ROBO1: variants seen among roughly 807,000 people sequenced by gnomAD.
ROBO1 encodes the protein roundabout homolog 1.
A neutral mutation model predicts 195.9 loss-of-function variants in ROBO1; 149 were observed. The observed-to-expected ratio is 0.76, with a 90% CI of 0.67 to 0.87. The LOEUF is 0.87. Among genes scored for constraint, ROBO1 ranks in the 40% least tolerant of loss-of-function variants. The pLI is 0.00. For missense variants in ROBO1, 1,933 were observed against 2,068.3 expected (o/e 0.93, Z 1.27); for synonymous variants, 816 against 733.2 (o/e 1.11, Z -1.82).
intron 4 of ROBO1, among the ~76,000 whole-genome samples, chr3:78,792,442 T>C (rs2084048912): frequency 6.6e-6 from 1 of 152,186 alleles, no homozygotes; most frequent in Non-Finnish European, 1.5e-5. Context: ...CAGAATTGGG[T>C]AACAAGCAAT....
At chr3:78,774,384 C>T (rs1391160034) in intron 4 of ROBO1, among the ~76,000 whole-genome samples, 1 of 151,740 alleles carries the variant, frequency 6.6e-6, no homozygotes, top group East Asian at 1.9e-4. Flanking sequence ...GATCTCGGCT[C>T]ACCGCAAGCT....
chr3:79,361,636 C>T (rs1208580949), intron 2 of ROBO1, among the ~76,000 whole-genome samples: 1 of 152,000 alleles, frequency 6.6e-6, no homozygotes, highest in Non-Finnish European at 1.5e-5. Flanking sequence ...GCATACGCTG[C>T]GATGGCTGAT....
chr3:79,702,593 C>T (rs1385658820), intron 1 of ROBO1, among the ~76,000 whole-genome samples: 2 of 151,698 alleles, frequency 1.3e-5, no homozygotes, highest in African/African-American at 2.4e-5. Flanking sequence ...AACCTTCACA[C>T]GAATCTAAGA....
At chr3:78,644,735 C>T (rs1706171373) in intron 21 of ROBO1, among the ~76,000 whole-genome samples, 1 of 152,124 alleles carries the variant, frequency 6.6e-6, no homozygotes, top group South Asian at 2.1e-4. Flanking sequence ...TGCCAGTTTG[C>T]TCTATCCAGG....
rs189374537 is a variant in ROBO1, at chr3:79,491,086, G to C, written c.88+98738C>G. ...AAATTGTGTGTATTTATTGTGTTGT[G>C]CAGGAGCCTTTTGTTAAAGGGCTTC... On this transcript the variant is annotated intron_variant, in intron 2 of 30. Transcript: ENST00000464233. 3.6e-4 allele frequency among the ~76,000 whole-genome samples: 55 copies of C among 151,930 alleles called. No individual in the cohort carries two copies. The East Asian group carries it at 8.5e-3, about 24-fold the overall frequency.
intron 2 of ROBO1, among the ~76,000 whole-genome samples, chr3:79,252,820 ACACAGAAG>A (rs1415876145): frequency 3.3e-5 from 5 of 152,194 alleles, no homozygotes; most frequent in Non-Finnish European, 5.9e-5. Context: ...AATGCAGGCC[ACACAGAAG>A]TACGCAGCCA....
intron 8 of ROBO1, among the ~76,000 whole-genome samples, chr3:78,697,660 C>A (rs937265014): frequency 1.3e-5 from 2 of 152,076 alleles, no homozygotes; most frequent in African/African-American, 4.8e-5. Context: ...TTCCATTAGG[C>A]CACAACAGTT....
chr3:78,836,385 GCCT>G (rs1559907205), intron 4 of ROBO1, among the ~76,000 whole-genome samples: 1 of 151,610 alleles, frequency 6.6e-6, no homozygotes, highest in Non-Finnish European at 1.5e-5. Flanking sequence ...GGTGGCGGGT[GCCT>G]GTAGTCCCAG....
intron 1 of ROBO1, among the ~76,000 whole-genome samples, chr3:79,698,548 A>G (rs562428021): frequency 6.6e-6 from 1 of 151,670 alleles, no homozygotes; most frequent in Admixed American, 6.6e-5. Flanking sequence ...TTCTTCCAGA[A>G]TATGCTTCTA....
At chr3:78,670,357 C>G (rs769974666) in intron 10 of ROBO1, 56 bp from the exon 11 acceptor site, 250 of 1,449,806 alleles carry the variant, frequency 1.7e-4, no homozygotes, top group Non-Finnish European at 2.1e-4. Flanking sequence ...ATTTTCTAAT[C>G]ATCCAAGCAA....
chr3:78,782,604 C>G (rs766820956), intron 4 of ROBO1, among the ~76,000 whole-genome samples: 1 of 152,158 alleles, frequency 6.6e-6, no homozygotes, highest in Non-Finnish European at 1.5e-5. Context: ...GAAATATTTT[C>G]CTGTGTATCA....
intron 2 of ROBO1, among the ~76,000 whole-genome samples, chr3:79,487,250 C>A (rs961388617): frequency 1.8e-5 from 2 of 108,122 alleles, no homozygotes; most frequent in Admixed American, 1.9e-4. Context: ...AGAGGTCCCA[C>A]CTGAGAAATC....
In ROBO1 at chr3:78,597,950, C is replaced by CAAAAA. The variant is rs35691197; in HGVS notation, c.*958_*962dup. ...AGTTTAGTGATTGTGCTTTTAAAACCAAAAAAAAAAAAAAAAAGAGAGAGA... is the reference window on the plus strand; with the variant it reads ...AGTTTAGTGATTGTGCTTTTAAAACCAAAAAAAAAAAAAAAAAAAAAAGAGAGAGA... On this transcript the variant is annotated 3_prime_UTR_variant, in exon 31 of 31. Transcript: ENST00000464233. The CAAAAA allele has an allele frequency of 9.1e-6, 1 of 109,466 alleles. No homozygotes were observed. Among genetic ancestry groups the CAAAAA allele is most frequent in the Non-Finnish European group, 2.0e-5 (1 of 50,588 alleles). The allele number at this position is 109,466 out of a possible 1,614,324, so 6.8% of individuals were successfully genotyped here.
At chr3:78,894,708 A>G (rs1427213639) in intron 4 of ROBO1, among the ~76,000 whole-genome samples, 1 of 152,226 alleles carries the variant, frequency 6.6e-6, no homozygotes, top group Non-Finnish European at 1.5e-5. Context: ...ACTTCCCAAA[A>G]TAAGAATCCG....
chr3:79,257,042 C>G (rs1212202635), intron 2 of ROBO1, among the ~76,000 whole-genome samples: 1 of 152,152 alleles, frequency 6.6e-6, no homozygotes, highest in African/African-American at 2.4e-5. Context: ...TAAGTTACAT[C>G]TTCACAGATT....
At chr3:79,086,202 G>A (rs1213030881) in intron 3 of ROBO1, among the ~76,000 whole-genome samples, 2 of 151,620 alleles carry the variant, frequency 1.3e-5, no homozygotes, top group East Asian at 3.9e-4. Context: ...AAGCTTCCGT[G>A]TAGTAAAGAA....
chr3:79,350,696 CTA>C (rs1559837488), intron 2 of ROBO1, among the ~76,000 whole-genome samples: 1 of 152,108 alleles, frequency 6.6e-6, no homozygotes, highest in African/African-American at 2.4e-5. Context: ...CACAAAACAC[CTA>C]TATATGATTT....
At chr3:79,651,313 G>T (rs1283196083) in intron 1 of ROBO1, among the ~76,000 whole-genome samples, 1 of 151,942 alleles carries the variant, frequency 6.6e-6, no homozygotes, top group Admixed American at 6.6e-5. Flanking sequence ...TATGCAAAAT[G>T]TTACATTTAA....
chr3:79,072,670 A>G (rs2079108929), intron 3 of ROBO1, among the ~76,000 whole-genome samples: 2 of 152,114 alleles, frequency 1.3e-5, no homozygotes, highest in South Asian at 4.1e-4. Flanking sequence ...TTATTGGCTT[A>G]AGCCACAGGA....
Sources: allele counts gnomAD v4.1 joint callset (sites outside exome capture counted in the v4.1 genomes callset), GRCh38; gene constraint gnomAD v4.1.1; transcripts MANE v1.5; gene names NCBI Gene and HGNC (gene_info 2026-07-23, HGNC 2026-07-21).